Variants in ANGPTL4 observed in about 807,000 individuals in gnomAD.
The protein encoded by ANGPTL4 is angiopoietin-related protein 4.
ANGPTL4 carries 39 observed loss-of-function variants against 39.2 expected under a neutral mutation model. That is an observed-to-expected ratio of 1.00 (90% CI 0.77 to 1.30). The LOEUF (loss-of-function observed/expected upper bound fraction) is 1.30, where lower values mean the gene tolerates loss of function less well. Among genes scored for constraint, ANGPTL4 ranks in the 50% most tolerant of loss-of-function variants. The pLI is 0.00. For synonymous variants in ANGPTL4, 233 were observed against 229.5 expected (o/e 1.02, Z -0.14); for missense variants, 545 against 549.8 (o/e 0.99, Z 0.09).
At chr19:8,373,397 C>T (rs1200429154) in intron 6 of ANGPTL4, among the ~76,000 whole-genome samples, 1 of 151,802 alleles carries the variant, frequency 6.6e-6, no homozygotes, top group Non-Finnish European at 1.5e-5. Flanking sequence ...GAGTGAGACT[C>T]AGTCTCAAAA....
In ANGPTL4 at chr19:8,371,427, C is replaced by T. The variant is rs201723781; in HGVS notation, c.944C>T (p.Thr315Ile). Residue 315 changes from threonine (T) to isoleucine (I), a missense_variant, in exon 6 of 7, where the codon ACC becomes ATC. Coordinates refer to ENST00000301455, the MANE Select transcript of ANGPTL4 (RefSeq NM_139314.3). This position sits in a 1 kb window ranked among gnomAD's most constrained non-coding sequence, Gnocchi z 5.1. The stretch of plus-strand genomic sequence containing the variant: ...CCCGTGGCCGGCCAGCTGGGCGCCA[C>T]CACCGTCCCACCCAGCGGCCTCTCC... Reference protein sequence around the residue: ...TAPVAGQLGATTVPPSGLSVP... With the variant: ...TAPVAGQLGAITVPPSGLSVP... 2 of 1,613,376 alleles carry T rather than the reference C, an allele frequency of 1.2e-6. No homozygotes were observed. Among genetic ancestry groups the T allele is most frequent in the African/African-American group, 1.3e-5 (1 of 75,058 alleles).
At position 8,371,644 on chromosome 19, in the gene ANGPTL4, C is replaced by CGT. The variant is rs966701451; in HGVS notation, c.1039+130_1039+131dup. On this transcript the variant is annotated intron_variant, in intron 6 of 6. Coordinates refer to ENST00000301455, the MANE Select transcript of ANGPTL4 (RefSeq NM_139314.3). The surrounding 1 kb of genome is among the most constrained non-coding windows in gnomAD (Gnocchi z 5.1). ...CTGCCCCCACCTCTTCCTTACATGC[C>CGT]GTGTGTGTGATTGGGCCACTAACTT... 53 of 1,409,474 alleles carry CGT rather than the reference C, an allele frequency of 3.8e-5. No individual in the cohort carries two copies. Among genetic ancestry groups the CGT allele is most frequent in the South Asian group, 7.6e-5 (6 of 78,976 alleles). The allele number at this position is 1,409,474 out of a possible 1,614,324, so 87.3% of individuals were successfully genotyped here. A position where few individuals can be genotyped will look rare whatever the true frequency, so the allele number is the denominator to read the frequency against.
intron 3 of ANGPTL4, among the ~76,000 whole-genome samples, chr19:8,366,816 C>T (rs1971015513): frequency 6.6e-6 from 1 of 151,994 alleles, no homozygotes; most frequent in Non-Finnish European, 1.5e-5. Flanking sequence ...TCTTACAAAT[C>T]CAATGCTCCA....
chr19:8,368,341 G>A (rs138659378), intron 3 of ANGPTL4, among the ~76,000 whole-genome samples: 6 of 152,138 alleles, frequency 3.9e-5, no homozygotes, highest in East Asian at 1.9e-4. Flanking sequence ...GCTGCTATGC[G>A]CTGGGGCCTG....
At chr19:8,370,718 A>C (rs8103829) in intron 4 of ANGPTL4, among the ~76,000 whole-genome samples, 37,497 of 150,152 alleles carry the variant, frequency 0.25, 5,161 homozygotes, top group Non-Finnish European at 0.3. Context: ...AAAAAAAAAA[A>C]AAAGAAAGCT....
chr19:8,369,503 G>T (rs1971073439), intron 4 of ANGPTL4, among the ~76,000 whole-genome samples, 171 bp downstream of exon 4: 1 of 143,520 alleles, frequency 7.0e-6, no homozygotes, highest in African/African-American at 2.6e-5. Context: ...CTTGGAGCTG[G>T]AGTGCAATGC....
chr19:8,371,569 T>C lies in ANGPTL4; in HGVS notation c.1039+47T>C, dbSNP rs773846071. ...ACACCCAGCCAGCAGCTTCCCTCCT[T>C]ATCTTTCTGCTGCTCTGTCCTGCCT... On this transcript the variant is annotated intron_variant, in intron 6 of 6. Transcript: ENST00000301455. This position sits in a 1 kb window ranked among gnomAD's most constrained non-coding sequence, Gnocchi z 5.1. The C allele has an allele frequency of 1.2e-5, 19 of 1,610,046 alleles. No individual in the cohort carries two copies. Among genetic ancestry groups the C allele is most frequent in the Non-Finnish European group, 1.5e-5 (18 of 1,179,544 alleles).
At chr19:8,367,392 G>A (rs1032105221) in intron 3 of ANGPTL4, among the ~76,000 whole-genome samples, 2 of 152,190 alleles carry the variant, frequency 1.3e-5, no homozygotes, top group South Asian at 2.1e-4. Flanking sequence ...GCTCAGGCCC[G>A]CCAAGTAGGA....
At chr19:8,366,886 C>T (rs1422748469) in intron 3 of ANGPTL4, among the ~76,000 whole-genome samples, 1 of 150,526 alleles carries the variant, frequency 6.6e-6, no homozygotes, top group African/African-American at 2.4e-5. Context: ...CCGCCCCCGC[C>T]GGCCCCCTCC....
chr19:8,373,615 T>G, intron 6 of ANGPTL4, 90 bp from the exon 7 acceptor site: 1 of 1,570,592 alleles, frequency 6.4e-7, no homozygotes, highest in Non-Finnish European at 8.7e-7. Context: ...GTCCCCAACC[T>G]GCCTCATCCT....
rs980207805 is a variant in ANGPTL4 at position 8,373,700 on chromosome 19, G to A, written c.1040-5G>A. 14 of 1,613,634 alleles carry A rather than the reference G, an allele frequency of 8.7e-6. No individual in the cohort carries two copies. In the African/African-American group the frequency reaches 9.3e-5, roughly 11 times the overall value. The stretch of plus-strand genomic sequence containing the variant: ...ACCATGTTCCCTCTCCCCTGACCCC[G>A]GCAGGAGGCTGGTGGTTTGGCACCT... On this transcript the variant is annotated splice_region_variant and splice_polypyrimidine_tract_variant and intron_variant, in intron 6 of 6. Transcript: ENST00000301455.
chr19:8,364,808 A>G (rs1970967361), intron 1 of ANGPTL4, among the ~76,000 whole-genome samples, 169 bp downstream of exon 1: 1 of 151,918 alleles, frequency 6.6e-6, no homozygotes, highest in African/African-American at 2.4e-5. Context: ...AGGTTCGCTC[A>G]AGGCCAGGAA....
At chr19:8,373,439 C>G (rs976550185) in intron 6 of ANGPTL4, among the ~76,000 whole-genome samples, 6 of 151,588 alleles carry the variant, frequency 4.0e-5, no homozygotes, top group African/African-American at 1.5e-4. Flanking sequence ...GGTGTGGTGG[C>G]AGGCGCCTGT....
Position 8,369,442 on chromosome 19 carries a change from T to C in ANGPTL4, c.661+110T>C, listed in dbSNP as rs558731591. ...AATTAAAGGCAGGGTCTTGCTATGT[T>C]GCCCAAGCTGGTCTTTTTTTTTTTT... is the stretch of plus-strand genomic sequence containing the variant. On this transcript the variant is annotated intron_variant, in intron 4 of 6. Transcript: ENST00000301455. 8.6e-5 allele frequency: 64 copies of C among 741,470 alleles called. No individual in the cohort carries two copies. In the African/African-American group the frequency reaches 1.2e-3, roughly 13 times the overall value. The allele number at this position is 741,470 out of a possible 1,614,324, so 45.9% of individuals were successfully genotyped here. A position where few individuals can be genotyped will look rare whatever the true frequency, so the allele number is the denominator to read the frequency against.
chr19:8,366,142 C>G, intron 2 of ANGPTL4, 60 bp from the exon 3 acceptor site: 1 of 1,608,436 alleles, frequency 6.2e-7, no homozygotes, highest in Non-Finnish European at 8.5e-7. Flanking sequence ...GAGAACTGGA[C>G]GTGTGGCTGG....
rs1330037986 is a variant in ANGPTL4, at chr19:8,374,244, G to A, written c.*358G>A. ...CATTGACTGACGGGGACCAGGGCTTGTGTGGGTCGAGAGCGCCCTCATGGT... is the reference window on the plus strand; with the variant it reads ...CATTGACTGACGGGGACCAGGGCTTATGTGGGTCGAGAGCGCCCTCATGGT... On this transcript the variant is annotated 3_prime_UTR_variant, in exon 7 of 7. Transcript: ENST00000301455. 1.5e-5 allele frequency: 5 copies of A among 322,910 alleles called. No individual in the cohort carries two copies. The highest frequency in any genetic ancestry group is 9.2e-5 in the South Asian group (3 of 32,620). 20.0% of individuals were successfully genotyped at this position (322,910 alleles called of 1,614,324 possible).
Position 8,364,624 on chromosome 19 carries a change from C to A in ANGPTL4, c.303C>A (p.Val101=). 6.3e-7 allele frequency: 1 copy of A among 1,590,586 alleles called. No homozygotes were observed. Among genetic ancestry groups the A allele is most frequent in the Non-Finnish European group, 8.6e-7 (1 of 1,169,426 alleles). ...CTGAGAGCCGGGTGGACCCTGAGGTCCTTCACAGCCTGCAGGTACGTGTCC... is the reference window on the plus strand; with the variant it reads ...CTGAGAGCCGGGTGGACCCTGAGGTACTTCACAGCCTGCAGGTACGTGTCC... The part of the protein sequence containing the change: ...LAPESRVDPE[V]LHSLQTQLKA... The change falls in exon 1 of 7, where the codon GTC becomes GTA. Residue 101 remains valine, a synonymous_variant. Transcript: ENST00000301455.
Position 8,371,106 on chromosome 19 carries a change from A to G in ANGPTL4, c.712A>G (p.Asn238Asp). Reference sequence around the variant, plus strand: ...GCGCCACGATGGCTCAGTGGACTTCAACCGGCCCTGGGAAGCCTACAAGGC... The same window carrying G: ...GCGCCACGATGGCTCAGTGGACTTCGACCGGCCCTGGGAAGCCTACAAGGC... The part of the protein sequence containing the change: ...QRRHDGSVDF[N>D]RPWEAYKAGF... The change falls in exon 5 of 7, where the codon AAC becomes GAC. Residue 238 changes from asparagine (N) to aspartate (D), a missense_variant. Physicochemically the swap from Asn to Asp is conservative, Grantham distance 23. Coordinates refer to ENST00000301455, the MANE Select transcript of ANGPTL4 (RefSeq NM_139314.3). The surrounding 1 kb of genome is among the most constrained non-coding windows in gnomAD (Gnocchi z 5.1). 6.2e-7 allele frequency: 1 copy of G among 1,611,292 alleles called. No individual in the cohort carries two copies. Among genetic ancestry groups the G allele is most frequent in the East Asian group, 2.2e-5 (1 of 44,812 alleles).
At position 8,364,503 on chromosome 19, in the gene ANGPTL4, G is replaced by T. The variant is rs759490625; in HGVS notation, c.182G>T (p.Arg61Leu). The T allele has an allele frequency of 1.9e-5, 30 of 1,563,888 alleles. No homozygotes were observed. In the East Asian group the frequency reaches 6.1e-4, roughly 32 times the overall value. Residue 61 changes from arginine to leucine, a missense_variant, in exon 1 of 7, where the codon CGC becomes CTC. Coordinates refer to ENST00000301455, the MANE Select transcript of ANGPTL4 (RefSeq NM_139314.3). ...CAGGGGCTGCGCGAACACGCGGAGC[G>T]CACCCGCAGTCAGCTGAGCGCGCTG... ...LGQGLREHAE[R>L]TRSQLSALER...
Sources: gnomAD v4.1 joint callset for allele counts (sites outside exome capture counted in the v4.1 genomes callset) on GRCh38, gnomAD v4.1.1 for gene constraint, Gnocchi (gnomAD v3.1) non-coding constraint, MANE v1.5 for transcripts, NCBI Gene and HGNC (gene_info 2026-07-23, HGNC 2026-07-21) for gene names.